Variants in NCOA7 observed in about 807,000 individuals in gnomAD.
NCOA7 encodes the protein 140 kDa estrogen receptor-associated protein.
In NCOA7, 45 loss-of-function variants were observed where a neutral mutation model predicts 104.3. That is an observed-to-expected ratio of 0.43 (90% CI 0.34 to 0.55). The LOEUF (loss-of-function observed/expected upper bound fraction) is 0.55. NCOA7 is among the 20% of genes least tolerant of loss of function. NCOA7 has a pLI of 0.02. For missense variants in NCOA7, 1,041 were observed against 1,119.7 expected, an observed-to-expected ratio of 0.93 and a Z score of 1.00; for synonymous variants, 398 against 402.3, an observed-to-expected ratio of 0.99 and a Z score of 0.13.
intron 10 of NCOA7, among the ~76,000 whole-genome samples, chr6:125,891,242 G>A (rs13210477): frequency 6.6e-6 from 1 of 152,186 alleles, no homozygotes; most frequent in African/African-American, 2.4e-5. Context: ...TATGGAGGGA[G>A]CATCTGTAGC....
intron 2 of NCOA7, among the ~76,000 whole-genome samples, chr6:125,833,235 C>T (rs1562861333): frequency 6.6e-6 from 1 of 152,040 alleles, no homozygotes; most frequent in Non-Finnish European, 1.5e-5. Flanking sequence ...GATAAATTTG[C>T]TTATTATGAA....
chr6:125,820,634 C>T (rs1778093982), intron 2 of NCOA7, among the ~76,000 whole-genome samples: 1 of 151,860 alleles, frequency 6.6e-6, no homozygotes, highest in South Asian at 2.1e-4. Flanking sequence ...ACGAACAGTA[C>T]CTGATACAGT....
chr6:125,800,389 T>G (rs892779245), intron 1 of NCOA7, among the ~76,000 whole-genome samples: 2 of 152,246 alleles, frequency 1.3e-5, no homozygotes, highest in Admixed American at 6.5e-5. Flanking sequence ...GTTATGTGCC[T>G]TATAATTATT....
chr6:125,899,901 C>A, intron 10 of NCOA7: 1 of 505,614 alleles, frequency 2.0e-6, no homozygotes, highest in Non-Finnish European at 4.2e-6. Flanking sequence ...TAAGTGAGCT[C>A]TTCACAGTGC....
Position 125,901,021 on chromosome 6 carries a change from G to T in NCOA7, c.2096+10211G>T, listed in dbSNP as rs529536194. Among the ~76,000 whole-genome samples, 3 of 152,340 alleles carry T rather than the reference G, an allele frequency of 2.0e-5. No individual in the cohort carries two copies. In the East Asian group the frequency reaches 5.8e-4, roughly 29 times the overall value. Reference sequence around the variant, plus strand: ...TGCTTTGCCCTACTGGGCTTCTGTAGCTGTTTTCAGAATGGAACCCCCAGA... The same window carrying T: ...TGCTTTGCCCTACTGGGCTTCTGTATCTGTTTTCAGAATGGAACCCCCAGA... On this transcript the variant is annotated intron_variant, in intron 10 of 15. Coordinates refer to ENST00000392477, the MANE Select transcript of NCOA7 (RefSeq NM_181782.5).
intron 1 of NCOA7, among the ~76,000 whole-genome samples, chr6:125,814,413 C>G (rs1777385598): frequency 6.6e-6 from 1 of 152,190 alleles, no homozygotes; most frequent in Non-Finnish European, 1.5e-5. Context: ...GCCTCGGCCT[C>G]CCAAAGTGCT....
intron 2 of NCOA7, among the ~76,000 whole-genome samples, chr6:125,824,844 C>T (rs897596875): frequency 3.9e-5 from 6 of 152,194 alleles, no homozygotes; most frequent in South Asian, 2.1e-4. Context: ...CTGCAAGCTC[C>T]GCCTCCCGGG....
At chr6:125,853,898 AC>A (rs1013673163) in intron 2 of NCOA7, among the ~76,000 whole-genome samples, 23 of 152,148 alleles carry the variant, frequency 1.5e-4, no homozygotes, top group African/African-American at 5.1e-4. Context: ...TCAGGGAGGG[AC>A]CTCTCTAGCC....
intron 2 of NCOA7, among the ~76,000 whole-genome samples, chr6:125,821,638 A>G (rs1257521409): frequency 6.6e-6 from 1 of 152,184 alleles, no homozygotes; most frequent in Non-Finnish European, 1.5e-5. Context: ...AACATCCCAT[A>G]ATCCATGTCT....
intron 10 of NCOA7, among the ~76,000 whole-genome samples, chr6:125,891,685 C>T (rs1481799656): frequency 6.6e-6 from 1 of 152,120 alleles, no homozygotes; most frequent in Non-Finnish European, 1.5e-5. Context: ...AAGAGTGCAC[C>T]TTCTGGCTGA....
At chr6:125,886,455 A>C (rs1784270721) in intron 8 of NCOA7, among the ~76,000 whole-genome samples, 1 of 152,208 alleles carries the variant, frequency 6.6e-6, no homozygotes, top group Non-Finnish European at 1.5e-5. Flanking sequence ...TCTATTTAAT[A>C]ATAGACAGTA....
At chr6:125,836,335 A>C (rs1331679263) in intron 2 of NCOA7, among the ~76,000 whole-genome samples, 2 of 152,174 alleles carry the variant, frequency 1.3e-5, no homozygotes, top group Non-Finnish European at 2.9e-5. Context: ...TACATGCGTT[A>C]AAATATTGAG....
exon 1 of NCOA7, chr6:125,781,305 A>G (rs1190172566): frequency 6.6e-6 from 1 of 152,222 alleles, no homozygotes; most frequent in Non-Finnish European, 1.5e-5. Context: ...ATAAATTTGT[A>G]ATGAACTTGC....
chr6:125,832,192 C>G (rs903252060), intron 2 of NCOA7, among the ~76,000 whole-genome samples: 3 of 152,116 alleles, frequency 2.0e-5, no homozygotes, highest in Non-Finnish European at 4.4e-5. Context: ...AAATTTCTAC[C>G]AATAATTTCA....
At chr6:125,797,378 A>G (rs1277677518) in intron 1 of NCOA7, among the ~76,000 whole-genome samples, 6 of 152,184 alleles carry the variant, frequency 3.9e-5, no homozygotes. Context: ...TTGATAGCTG[A>G]TTAACAGAGG....
chr6:125,820,279 G>A (rs1778049614), intron 2 of NCOA7, among the ~76,000 whole-genome samples: 1 of 152,232 alleles, frequency 6.6e-6, no homozygotes, highest in Non-Finnish European at 1.5e-5. Context: ...CCCACAAGCA[G>A]AACACCTAGT....
chr6:125,922,003 A>T lies in NCOA7; in HGVS notation c.2371-679A>T, dbSNP rs1787629636. On this transcript the variant is annotated intron_variant, in intron 12 of 15. Coordinates refer to ENST00000392477, the MANE Select transcript of NCOA7 (RefSeq NM_181782.5). Reference sequence around the variant, plus strand: ...GTTTGGCTCCCTAGTTTACTGAGGAACCAGTAAAGACCCAAGACAGCCAAG... The same window carrying T: ...GTTTGGCTCCCTAGTTTACTGAGGATCCAGTAAAGACCCAAGACAGCCAAG... 2.0e-5 allele frequency among the ~76,000 whole-genome samples: 3 copies of T among 152,208 alleles called. No individual in the cohort carries two copies. The South Asian group carries it at 6.2e-4, about 32-fold the overall frequency.
At chr6:125,842,577 T>TA (rs1340804251) in intron 2 of NCOA7, among the ~76,000 whole-genome samples, 2 of 152,238 alleles carry the variant, frequency 1.3e-5, no homozygotes, top group East Asian at 3.9e-4. Context: ...TCTAGCAAAA[T>TA]AAAAAAATAT....
chr6:125,791,302 C>G (rs1774830493), intron 1 of NCOA7, among the ~76,000 whole-genome samples: 1 of 152,248 alleles, frequency 6.6e-6, no homozygotes, highest in Non-Finnish European at 1.5e-5. Context: ...CCGCCCACCC[C>G]TTGGGGGGCT....
Sources: allele counts gnomAD v4.1 joint callset (sites outside exome capture counted in the v4.1 genomes callset), GRCh38; gene constraint gnomAD v4.1.1; transcripts MANE v1.5; gene names NCBI Gene and HGNC (gene_info 2026-07-23, HGNC 2026-07-21).